KCNIP4: variants seen among roughly 807,000 people sequenced by gnomAD.
The protein encoded by KCNIP4 is potassium voltage-gated channel interacting protein 4.
Under a neutral mutation model 34.0 loss-of-function variants are expected in KCNIP4, and 12 were observed. The ratio of observed to expected loss-of-function variants is 0.35; its 90% CI spans 0.23 to 0.57. The LOEUF (loss-of-function observed/expected upper bound fraction) is 0.57, where lower values mean the gene tolerates loss of function less well. Ranked by LOEUF, KCNIP4 falls within the 20% of genes least tolerant of loss-of-function variation. The probability of loss-of-function intolerance (pLI) is 0.83; values close to 1 mark genes in which losing one functional copy is unlikely to be tolerated. For missense variants in KCNIP4, 238 were observed against 311.7 expected (o/e 0.76, Z 1.78); for synonymous variants, 124 against 102.2 (o/e 1.21, Z -1.29).
chr4:21,556,425 C>T (rs1739014985), intron 1 of KCNIP4, among the ~76,000 whole-genome samples: 1 of 152,164 alleles, frequency 6.6e-6, no homozygotes, highest in Non-Finnish European at 1.5e-5. Context: ...GTCAATGCTT[C>T]TATCTTCTTG....
At chr4:21,312,603 G>GT (rs1338700462) in intron 1 of KCNIP4, among the ~76,000 whole-genome samples, 1 of 152,168 alleles carries the variant, frequency 6.6e-6, no homozygotes, top group Admixed American at 6.5e-5. Context: ...TCTCTGGAAA[G>GT]TTTTTTCTTC....
intron 1 of KCNIP4, among the ~76,000 whole-genome samples, chr4:20,968,918 A>C (rs1254798228): frequency 4.6e-5 from 7 of 152,160 alleles, no homozygotes; most frequent in Non-Finnish European, 4.4e-5. Context: ...CTAGAACTTA[A>C]AGTATAATAA....
intron 1 of KCNIP4, among the ~76,000 whole-genome samples, chr4:21,087,191 T>TGTGTGTGTGTGTG (rs1560709074): frequency 7.5e-5 from 11 of 146,928 alleles, no homozygotes; most frequent in Non-Finnish European, 1.5e-4. Flanking sequence ...TGTGTGTGTG[T>TGTGTGTGTGTGTG]TTTGAGACAG....
chr4:21,106,301 C>T (rs1452158944), intron 1 of KCNIP4, among the ~76,000 whole-genome samples: 1 of 151,634 alleles, frequency 6.6e-6, no homozygotes, highest in Admixed American at 6.6e-5. Flanking sequence ...AGAGATTCAG[C>T]CTCTTCCTCG....
At chr4:20,923,495 C>G (rs1480663831) in intron 1 of KCNIP4, among the ~76,000 whole-genome samples, 1 of 152,026 alleles carries the variant, frequency 6.6e-6, no homozygotes, top group Admixed American at 6.6e-5. Context: ...AGATGCAACA[C>G]AGAAAAAGCT....
intron 1 of KCNIP4, among the ~76,000 whole-genome samples, chr4:21,082,108 T>C (rs2109022558): frequency 6.6e-6 from 1 of 152,012 alleles, no homozygotes; most frequent in Admixed American, 6.6e-5. Flanking sequence ...CTTTTTCAGA[T>C]TCCTTTAGCC....
At position 21,225,170 on chromosome 4, in the gene KCNIP4, G is replaced by A. The variant is rs144740357; in HGVS notation, c.62-342461C>T. Among the ~76,000 whole-genome samples, 3 of 152,206 alleles carry A rather than the reference G, an allele frequency of 2.0e-5. No individual in the cohort carries two copies. The East Asian group carries it at 5.8e-4, about 29-fold the overall frequency. On this transcript the variant is annotated intron_variant, in intron 1 of 8. Transcript: ENST00000382152. ...GCATAACCCTATTGTAAATTGAGGA[G>A]CATCTGTATTTAACACCTCCAGAGG...
intron 1 of KCNIP4, among the ~76,000 whole-genome samples, chr4:21,056,960 A>G (rs918387152): frequency 1.3e-5 from 2 of 152,170 alleles, no homozygotes; most frequent in African/African-American, 4.8e-5. Flanking sequence ...CACAACTGGT[A>G]TTCAGAAATA....
chr4:21,435,410 T>C (rs1436143443), intron 1 of KCNIP4, among the ~76,000 whole-genome samples: 1 of 152,176 alleles, frequency 6.6e-6, no homozygotes, highest in East Asian at 1.9e-4. Context: ...AACTTCCACT[T>C]TGTGCTAGCA....
At chr4:21,207,449 T>C (rs890258666) in intron 1 of KCNIP4, among the ~76,000 whole-genome samples, 1 of 152,226 alleles carries the variant, frequency 6.6e-6, no homozygotes, top group Non-Finnish European at 1.5e-5. Flanking sequence ...CTGTAATACA[T>C]ATGCATTGTT....
intron 1 of KCNIP4, among the ~76,000 whole-genome samples, chr4:21,817,405 ATG>A (rs1241437721): frequency 6.6e-6 from 1 of 150,844 alleles, no homozygotes; most frequent in Non-Finnish European, 1.5e-5. Context: ...ATTGTAAAAC[ATG>A]TGTGTTTGCA....
At chr4:21,127,389 C>T (rs1750713785) in intron 1 of KCNIP4, among the ~76,000 whole-genome samples, 1 of 152,200 alleles carries the variant, frequency 6.6e-6, no homozygotes, top group African/African-American at 2.4e-5. Context: ...AACCCAAACA[C>T]AGAAACGAAA....
At chr4:21,045,571 T>A (rs570874884) in intron 1 of KCNIP4, among the ~76,000 whole-genome samples, 1 of 152,352 alleles carries the variant, frequency 6.6e-6, no homozygotes, top group Admixed American at 6.5e-5. Flanking sequence ...GACAACTCTC[T>A]TGGTTTTCTA....
At chr4:21,362,574 T>C (rs1421836192) in intron 1 of KCNIP4, among the ~76,000 whole-genome samples, 1 of 152,104 alleles carries the variant, frequency 6.6e-6, no homozygotes, top group Non-Finnish European at 1.5e-5. Flanking sequence ...AGATTATGAA[T>C]ACCTTCCTCT....
At chr4:20,773,720 T>A (rs140289894) in intron 3 of KCNIP4, among the ~76,000 whole-genome samples, 2 of 152,368 alleles carry the variant, frequency 1.3e-5, no homozygotes, top group East Asian at 3.9e-4. Context: ...TATTTCCTTT[T>A]TATGAACGGT....
At chr4:21,796,217 C>T (rs1347397393) in intron 1 of KCNIP4, among the ~76,000 whole-genome samples, 1 of 152,112 alleles carries the variant, frequency 6.6e-6, no homozygotes, top group Admixed American at 6.5e-5. Context: ...GTTCATATGG[C>T]CTGTAATGTA....
At chr4:21,675,230 G>A (rs543773459) in intron 1 of KCNIP4, among the ~76,000 whole-genome samples, 41 of 152,180 alleles carry the variant, frequency 2.7e-4, no homozygotes, top group African/African-American at 9.4e-4. Flanking sequence ...ATTTATTTGT[G>A]GGATCTACAA....
chr4:21,336,339 T>C (rs1716178121), intron 1 of KCNIP4, among the ~76,000 whole-genome samples: 1 of 152,094 alleles, frequency 6.6e-6, no homozygotes, highest in Non-Finnish European at 1.5e-5. Flanking sequence ...ACTGAGGGGT[T>C]CCCTAGAGTT....
At chr4:21,316,924 A>T (rs1243207710) in intron 1 of KCNIP4, among the ~76,000 whole-genome samples, 1 of 152,200 alleles carries the variant, frequency 6.6e-6, no homozygotes, top group Non-Finnish European at 1.5e-5. Flanking sequence ...AGTTTACAGA[A>T]GTCAGCTTCT....
Sources: allele counts gnomAD v4.1 joint callset (sites outside exome capture counted in the v4.1 genomes callset), GRCh38; gene constraint gnomAD v4.1.1; transcripts MANE v1.5; gene names NCBI Gene and HGNC (gene_info 2026-07-23, HGNC 2026-07-21).